SPRY3: variants seen among roughly 807,000 people sequenced by gnomAD.
The protein encoded by SPRY3 is sprouty RTK signaling antagonist 3.
Under a neutral mutation model 20.2 loss-of-function variants are expected in SPRY3, and 15 were observed. The ratio of observed to expected loss-of-function variants is 0.74; its 90% CI spans 0.50 to 1.14. The LOEUF is 1.14. Among genes scored for constraint, SPRY3 ranks in the 50% most tolerant of loss-of-function variants. The probability of loss-of-function intolerance (pLI) is 0.00; values close to 1 mark genes in which losing one functional copy is unlikely to be tolerated. For missense variants in SPRY3, 364 were observed against 363.9 expected, an observed-to-expected ratio of 1.00 and a Z score of 0.00; for synonymous variants, 143 against 136.5, an observed-to-expected ratio of 1.05 and a Z score of -0.33.
chrX:155,683,513 G>A (rs913619668), intron 2 of SPRY3, among the ~76,000 whole-genome samples: 4 of 112,001 alleles, frequency 3.6e-5, no homozygotes, highest in South Asian at 3.7e-4. Context: ...CTTTTTAGAC[G>A]TAATTTTACA....
chrX:155,648,767 A>G (rs1420796333), intron 1 of SPRY3, among the ~76,000 whole-genome samples: 2 of 111,860 alleles, frequency 1.8e-5, no homozygotes, highest in East Asian at 5.6e-4. Context: ...GAAGTAACTA[A>G]GATCAGAGTA....
At chrX:155,663,933 C>A (rs2068017461) in intron 2 of SPRY3, among the ~76,000 whole-genome samples, 1 of 110,616 alleles carries the variant, frequency 9.0e-6, no homozygotes, top group African/African-American at 3.3e-5. Flanking sequence ...GAATGGACAC[C>A]CCCTGCTCCC....
At chrX:155,743,942 G>T (rs1275944131) in intron 2 of SPRY3, among the ~76,000 whole-genome samples, 1 of 152,072 alleles carries the variant, frequency 6.6e-6, no homozygotes. Flanking sequence ...AGATAAATGT[G>T]TTTTCATATC....
chrX:155,661,673 C>T (rs1301051862), intron 2 of SPRY3, among the ~76,000 whole-genome samples: 2 of 111,442 alleles, frequency 1.8e-5, no homozygotes, highest in Admixed American at 9.5e-5. Context: ...TATCTATGAC[C>T]TTGTATGGTT....
intron 2 of SPRY3, among the ~76,000 whole-genome samples, chrX:155,748,588 C>T (rs1301977404): frequency 1.3e-5 from 2 of 151,728 alleles, no homozygotes; most frequent in Non-Finnish European, 2.9e-5. Flanking sequence ...AATTCTTCCT[C>T]TATAAATGAT....
intron 2 of SPRY3, among the ~76,000 whole-genome samples, chrX:155,661,356 C>T (rs939015132): frequency 2.4e-4 from 27 of 111,608 alleles, no homozygotes; most frequent in African/African-American, 8.5e-4. Context: ...AAAATAGGAC[C>T]CCATTCTCTT....
intron 2 of SPRY3, among the ~76,000 whole-genome samples, chrX:155,714,776 G>A (rs1257496099): frequency 2.6e-5 from 4 of 152,022 alleles, no homozygotes; most frequent in East Asian, 3.9e-4. Flanking sequence ...TGGCTAAGAT[G>A]GCACTCAAAC....
intron 1 of SPRY3, among the ~76,000 whole-genome samples, chrX:155,626,489 C>G (rs1369070186): frequency 9.0e-6 from 1 of 111,183 alleles, no homozygotes; most frequent in Non-Finnish European, 1.9e-5. Context: ...TTTTTCCCAT[C>G]TGTGAGTAGT....
chrX:155,649,728 C>G (rs2067969953), intron 1 of SPRY3, among the ~76,000 whole-genome samples: 1 of 111,459 alleles, frequency 9.0e-6, no homozygotes, highest in South Asian at 3.7e-4. Flanking sequence ...GATGCCCTCT[C>G]TCACCACTCC....
chrX:155,663,593 A>G (rs1057162228), intron 2 of SPRY3, among the ~76,000 whole-genome samples: 3 of 111,632 alleles, frequency 2.7e-5, no homozygotes, highest in Non-Finnish European at 5.7e-5. Context: ...GCATTATATA[A>G]AGATATTAGC....
chrX:155,687,043 G>GT (rs2068089763), intron 2 of SPRY3, among the ~76,000 whole-genome samples: 1 of 112,802 alleles, frequency 8.9e-6, no homozygotes, highest in African/African-American at 3.2e-5. Context: ...GAATTGTGAT[G>GT]TTTTTTCATA....
chrX:155,717,001 T>G (rs2091027990), intron 2 of SPRY3, among the ~76,000 whole-genome samples: 1 of 134,546 alleles, frequency 7.4e-6, no homozygotes, highest in African/African-American at 2.8e-5. Context: ...TATATATATA[T>G]ATATATATAT....
At chrX:155,765,526 C>A (rs868677357) in intron 2 of SPRY3, among the ~76,000 whole-genome samples, 33 of 152,178 alleles carry the variant, frequency 2.2e-4, no homozygotes, top group African/African-American at 8.0e-4. Context: ...AATGTCAATT[C>A]CAGGAGCGCA....
At chrX:155,656,305 C>CT (rs1351835269) in intron 1 of SPRY3, among the ~76,000 whole-genome samples, 2 of 111,013 alleles carry the variant, frequency 1.8e-5, no homozygotes, top group East Asian at 2.8e-4. Context: ...CCTTTTTAAT[C>CT]TTTTTTTCTC....
chrX:155,674,309 C>T (rs918358126), intron 2 of SPRY3, among the ~76,000 whole-genome samples: 3 of 109,358 alleles, frequency 2.7e-5, no homozygotes, highest in African/African-American at 1.0e-4. Context: ...GTGACAAAGA[C>T]AATAACCAAT....
chrX:155,671,951 G>A (rs1027162054), intron 2 of SPRY3, among the ~76,000 whole-genome samples: 1 of 111,028 alleles, frequency 9.0e-6, no homozygotes, highest in Non-Finnish European at 1.9e-5. Context: ...AAGATCAGAT[G>A]GTTGTAGATA....
chrX:155,716,981 A>AATAT (rs749530944), intron 2 of SPRY3, among the ~76,000 whole-genome samples: 3,276 of 63,218 alleles, frequency 0.052, 197 homozygotes, highest in Non-Finnish European at 0.066. Flanking sequence ...TAAAATACAA[A>AATAT]ATATATATAT....
At chrX:155,697,916 A>C (rs2068124594) in intron 2 of SPRY3, among the ~76,000 whole-genome samples, 1 of 110,887 alleles carries the variant, frequency 9.0e-6, no homozygotes, top group Non-Finnish European at 1.9e-5. Context: ...AAAATAGTGA[A>C]TATGTGGTTC....
At chrX:155,700,310 G>A (rs1356621235) in intron 2 of SPRY3, among the ~76,000 whole-genome samples, 2 of 108,898 alleles carry the variant, frequency 1.8e-5, no homozygotes, top group Non-Finnish European at 3.8e-5. Flanking sequence ...TTGAGGATAT[G>A]GGGAAATTGA....
Sources: gnomAD v4.1 joint callset for allele counts (sites outside exome capture counted in the v4.1 genomes callset) on GRCh38, gnomAD v4.1.1 for gene constraint, MANE v1.5 for transcripts, NCBI Gene and HGNC (gene_info 2026-07-23, HGNC 2026-07-21) for gene names.